The following STEAP1B variants were observed in gnomAD, a reference collection of about 807,000 sequenced individuals.
The protein encoded by STEAP1B is STEAP family protein MGC87042.
Under a neutral mutation model 27.9 loss-of-function variants are expected in STEAP1B, and 13 were observed. That is an observed-to-expected ratio of 0.47 (90% confidence interval 0.30 to 0.74). The LOEUF (loss-of-function observed/expected upper bound fraction) is 0.74, where lower values mean the gene tolerates loss of function less well. STEAP1B is among the 30% of genes least tolerant of loss of function. STEAP1B has a pLI of 0.06. For synonymous variants in STEAP1B, 86 were observed against 107.1 expected (o/e 0.80, Z 1.22); for missense variants, 250 against 298.7 (o/e 0.84, Z 1.20).
At chr7:22,446,287 T>C (rs557919776) in intron 4 of STEAP1B, among the ~76,000 whole-genome samples, 32 of 152,350 alleles carry the variant, frequency 2.1e-4, no homozygotes, top group African/African-American at 7.7e-4. Context: ...GCCAAGAACC[T>C]GCATTTGAGT....
intron 4 of STEAP1B, among the ~76,000 whole-genome samples, chr7:22,474,323 A>G (rs1785935249): frequency 6.6e-6 from 1 of 152,196 alleles, no homozygotes. Context: ...AGTTTGCTAA[A>G]AAATACTGAT....
chr7:22,434,278 C>A (rs773167197), intron 4 of STEAP1B, among the ~76,000 whole-genome samples: 6 of 152,200 alleles, frequency 3.9e-5, no homozygotes, highest in Non-Finnish European at 5.9e-5. Context: ...GGATAGGACA[C>A]CTGTGGCCAT....
chr7:22,452,644 A>G (rs1290515184), intron 4 of STEAP1B, among the ~76,000 whole-genome samples: 1 of 152,132 alleles, frequency 6.6e-6, no homozygotes, highest in Non-Finnish European at 1.5e-5. Context: ...CCTCTCCCCA[A>G]ATCAATAGAT....
intron 4 of STEAP1B, among the ~76,000 whole-genome samples, chr7:22,491,754 A>G (rs1400685482): frequency 6.6e-6 from 1 of 152,180 alleles, no homozygotes; most frequent in African/African-American, 2.4e-5. Flanking sequence ...ATGCCAGGTA[A>G]GGACTAAGGA....
At chr7:22,452,408 T>C (rs1583638032) in intron 4 of STEAP1B, among the ~76,000 whole-genome samples, 1 of 152,016 alleles carries the variant, frequency 6.6e-6, no homozygotes, top group Non-Finnish European at 1.5e-5. Context: ...GCGCCCTCTA[T>C]TGGCAGACAA....
chr7:22,454,867 T>A (rs796452776), intron 4 of STEAP1B, among the ~76,000 whole-genome samples: 25,984 of 68,564 alleles, frequency 0.38, 3,216 homozygotes, highest in Non-Finnish European at 0.45. Context: ...ATATATATAT[T>A]TTTTTTTTTT....
At position 22,430,451 on chromosome 7, in the gene STEAP1B, C is replaced by T. The variant is rs1421087479; in HGVS notation, c.763-10615G>A. ...GACTGAGGCAAGGAATTATTAAAAT[C>T]CCTAACAAAGAAAGAAGTTGTCAAA... On this transcript the variant is annotated intron_variant, in intron 4 of 4. Transcript: ENST00000678116. Among the ~76,000 whole-genome samples, 5 of 152,318 alleles carry T rather than the reference C, an allele frequency of 3.3e-5. No homozygotes were observed. The South Asian group carries it at 8.3e-4, about 25-fold the overall frequency.
At chr7:22,466,600 T>C (rs1785788126) in intron 4 of STEAP1B, among the ~76,000 whole-genome samples, 1 of 152,188 alleles carries the variant, frequency 6.6e-6, no homozygotes, top group African/African-American at 2.4e-5. Flanking sequence ...AGTAAATTTC[T>C]GTTAAGCCAC....
rs59453902 is a variant in STEAP1B, at chr7:22,471,893, CAAAA to C, written c.762+20668_762+20671del. Among the ~76,000 whole-genome samples, 4 of 60,190 alleles carry C rather than the reference CAAAA, an allele frequency of 6.6e-5. No homozygotes were observed. In the South Asian group the frequency reaches 2.2e-3, roughly 33 times the overall value. 39.5% of individuals were successfully genotyped at this position (60,190 alleles called of 152,430 possible). On this transcript the variant is annotated intron_variant, in intron 4 of 4. Coordinates refer to ENST00000678116, the MANE Select transcript of STEAP1B (RefSeq NM_001382447.1). The stretch of plus-strand genomic sequence containing the variant: ...ACTCCCGCCTGGGCAAACCTGTCTC[CAAAA>C]AAAAAAAAAAAAAAAAAAAAAGTTT...
chr7:22,467,770 C>A (rs1380848269), intron 4 of STEAP1B, among the ~76,000 whole-genome samples: 3 of 152,168 alleles, frequency 2.0e-5, no homozygotes, highest in Non-Finnish European at 2.9e-5. Flanking sequence ...AAACCTCTTT[C>A]TTTGTAAATT....
chr7:22,430,678 C>T (rs909542129), intron 4 of STEAP1B, among the ~76,000 whole-genome samples: 5 of 152,166 alleles, frequency 3.3e-5, no homozygotes, highest in African/African-American at 1.2e-4. Context: ...CATGGTTTTA[C>T]CTCAACAGCC....
chr7:22,480,910 A>C (rs1255707531), intron 4 of STEAP1B, among the ~76,000 whole-genome samples: 1 of 152,192 alleles, frequency 6.6e-6, no homozygotes, highest in Non-Finnish European at 1.5e-5. Flanking sequence ...TGTCCATGGG[A>C]CCACAATGAG....
At chr7:22,496,521 C>T (rs10264154) in intron 1 of STEAP1B, among the ~76,000 whole-genome samples, 135,621 of 152,218 alleles carry the variant, frequency 0.89, 60,512 homozygotes, top group African/African-American at 0.94. Flanking sequence ...CCATTCATAG[C>T]AAGCGTCCTG....
chr7:22,483,578 T>C (rs542909812), intron 4 of STEAP1B, among the ~76,000 whole-genome samples: 97 of 152,366 alleles, frequency 6.4e-4, no homozygotes, highest in Admixed American at 2.2e-3. Context: ...GCTCACTTCA[T>C]GTCTTGTCGC....
intron 4 of STEAP1B, among the ~76,000 whole-genome samples, chr7:22,424,529 TCTC>T (rs1233974741): frequency 1.3e-5 from 2 of 152,168 alleles, no homozygotes; most frequent in African/African-American, 4.8e-5. Flanking sequence ...GTGGGACAAA[TCTC>T]CTTGTATGCT....
chr7:22,476,760 T>C (rs1437541934), intron 4 of STEAP1B, among the ~76,000 whole-genome samples: 1 of 152,224 alleles, frequency 6.6e-6, no homozygotes, highest in Admixed American at 6.5e-5. Context: ...GTCAAGATTC[T>C]GAGCATGGCT....
intron 4 of STEAP1B, among the ~76,000 whole-genome samples, chr7:22,421,102 A>G (rs1192852065): frequency 6.6e-6 from 1 of 152,254 alleles, no homozygotes; most frequent in Non-Finnish European, 1.5e-5. Flanking sequence ...TGGCAAGCAC[A>G]TTGTTAAAAG....
chr7:22,428,677 C>T (rs1562565165), intron 4 of STEAP1B, among the ~76,000 whole-genome samples: 1 of 152,112 alleles, frequency 6.6e-6, no homozygotes, highest in Non-Finnish European at 1.5e-5. Flanking sequence ...AAAGCACGCA[C>T]CTATAGTCCC....
chr7:22,419,768 C>T lies in STEAP1B; in HGVS notation c.*36G>A, dbSNP rs963568231. ...AATCCAATGCTGTGCTCCAAAGCCT[C>T]GTTCTCATTTCCTCTCATGTTACTG... is the stretch of plus-strand genomic sequence containing the variant. On this transcript the variant is annotated 3_prime_UTR_variant, in exon 5 of 5. Transcript: ENST00000678116. The T allele has an allele frequency of 1.6e-5, 24 of 1,546,916 alleles. No individual in the cohort carries two copies. Among genetic ancestry groups the T allele is most frequent in the Non-Finnish European group, 1.9e-5 (22 of 1,144,428 alleles).
Sources: gnomAD v4.1 joint callset for allele counts (sites outside exome capture counted in the v4.1 genomes callset) on GRCh38, gnomAD v4.1.1 for gene constraint, MANE v1.5 for transcripts, NCBI Gene and HGNC (gene_info 2026-07-23, HGNC 2026-07-21) for gene names.